TCF7L2: variants seen among roughly 807,000 people sequenced by gnomAD.
The protein encoded by TCF7L2 is transcription factor 7-like 2.
In TCF7L2, 23 loss-of-function variants were observed where a neutral mutation model predicts 77.9. The observed-to-expected ratio is 0.30, with a 90% confidence interval of 0.21 to 0.42. The LOEUF is 0.42. Ranked by LOEUF, TCF7L2 falls within the 10% of genes least tolerant of loss-of-function variation. The pLI is 1.00. For synonymous variants in TCF7L2, 413 were observed against 340.2 expected (o/e 1.21, Z -2.36); for missense variants, 654 against 793.1 (o/e 0.82, Z 2.11).
At chr10:113,121,440 C>T (rs547464607) in intron 5 of TCF7L2, among the ~76,000 whole-genome samples, 1 of 152,200 alleles carries the variant, frequency 6.6e-6, no homozygotes, top group African/African-American at 2.4e-5. Flanking sequence ...TGGCTTTTCC[C>T]TCCTTTTTTC....
At chr10:113,045,729 T>G (rs1465016142) in intron 5 of TCF7L2, among the ~76,000 whole-genome samples, 1 of 152,230 alleles carries the variant, frequency 6.6e-6, no homozygotes, top group Non-Finnish European at 1.5e-5. Flanking sequence ...AATCTTTTAC[T>G]TCTGGATTAT....
intron 4 of TCF7L2, among the ~76,000 whole-genome samples, chr10:112,971,346 G>GT (rs1345584280): frequency 6.6e-6 from 1 of 152,038 alleles, no homozygotes; most frequent in African/African-American, 2.4e-5. Context: ...CCAGGCTGGA[G>GT]TTTTTCCTCT....
chr10:113,117,225 A>C (rs1402559824), intron 5 of TCF7L2, among the ~76,000 whole-genome samples: 1 of 152,210 alleles, frequency 6.6e-6, no homozygotes, highest in African/African-American at 2.4e-5. Flanking sequence ...TTCATCCCTA[A>C]GTATAACAAA....
At chr10:113,141,404 G>C in intron 6 of TCF7L2, 88 bp downstream of exon 6, 2 of 1,570,736 alleles carry the variant, frequency 1.3e-6, no homozygotes, top group Non-Finnish European at 1.7e-6. Flanking sequence ...CCCCAGGGGT[G>C]GAGCAGTAGG....
intron 5 of TCF7L2, among the ~76,000 whole-genome samples, chr10:113,122,627 C>A (rs907273324): frequency 6.6e-6 from 1 of 152,110 alleles, no homozygotes; most frequent in Non-Finnish European, 1.5e-5. Context: ...TTTGTACTGG[C>A]CCATCATCTA....
intron 4 of TCF7L2, among the ~76,000 whole-genome samples, chr10:113,039,228 G>A (rs866085128): frequency 6.6e-6 from 1 of 152,184 alleles, no homozygotes; most frequent in South Asian, 2.1e-4. Context: ...TCAACTCATC[G>A]TTCAAATCTC....
At chr10:113,090,713 G>A (rs568307674) in intron 5 of TCF7L2, among the ~76,000 whole-genome samples, 184 of 152,264 alleles carry the variant, frequency 1.2e-3, no homozygotes, top group African/African-American at 4.1e-3. Flanking sequence ...GGTTTCAAGC[G>A]ATTCGCCTGC....
chr10:113,084,898 G>A (rs1416789742), intron 5 of TCF7L2, among the ~76,000 whole-genome samples: 1 of 146,326 alleles, frequency 6.8e-6, no homozygotes, highest in African/African-American at 2.6e-5. Context: ...TCTGTCTCAA[G>A]CCACCCCCCC....
intron 5 of TCF7L2, among the ~76,000 whole-genome samples, chr10:113,055,809 C>T (rs1391863159): frequency 6.6e-6 from 1 of 152,224 alleles, no homozygotes; most frequent in African/African-American, 2.4e-5. Flanking sequence ...GTATTTTCCT[C>T]TGTGCTTTTA....
intron 4 of TCF7L2, among the ~76,000 whole-genome samples, chr10:112,988,639 T>G (rs1264932599): frequency 6.6e-6 from 1 of 152,196 alleles, no homozygotes; most frequent in Non-Finnish European, 1.5e-5. Flanking sequence ...GAGCCTAGGC[T>G]CAATTTTTCC....
intron 4 of TCF7L2, among the ~76,000 whole-genome samples, chr10:113,000,013 G>T (rs769557179): frequency 6.6e-6 from 1 of 152,160 alleles, no homozygotes; most frequent in Non-Finnish European, 1.5e-5. Flanking sequence ...GATATTCTAC[G>T]GTTAAGTAAT....
intron 5 of TCF7L2, among the ~76,000 whole-genome samples, chr10:113,137,592 A>T (rs922714662): frequency 1.4e-4 from 21 of 152,226 alleles, no homozygotes; most frequent in African/African-American, 5.1e-4. Flanking sequence ...TTAAAGGCAC[A>T]GTTGTAATTG....
intron 5 of TCF7L2, among the ~76,000 whole-genome samples, chr10:113,107,472 G>C (rs2062484911): frequency 6.6e-6 from 1 of 152,008 alleles, no homozygotes; most frequent in Non-Finnish European, 1.5e-5. Context: ...GGCCGGGCGT[G>C]GTGGCTCATG....
rs138114367 is a variant in TCF7L2, at chr10:113,049,475, C to T, written c.552+9349C>T. On this transcript the variant is annotated intron_variant, in intron 5 of 13. Coordinates refer to ENST00000627217, the MANE Select transcript of TCF7L2 (RefSeq NM_001146274.2). ...AAGTGTGTCCTCTCTACCTTCAAAG[C>T]GTGTGTGGCATCCACCGCTTATCAC... Among the ~76,000 whole-genome samples, 399 of 152,140 alleles carry T rather than the reference C, an allele frequency of 2.6e-3. 1 individual carries two copies. The highest frequency in any genetic ancestry group is 9.1e-3 in the African/African-American group (377 of 41,496).
chr10:113,165,750 G>A lies in TCF7L2; in HGVS notation c.1587G>A (p.Leu529=), dbSNP rs1352007739. 4 of 1,610,204 alleles carry A rather than the reference G, an allele frequency of 2.5e-6. No individual in the cohort carries two copies. Among genetic ancestry groups the A allele is most frequent in the Non-Finnish European group, 3.4e-6 (4 of 1,178,772 alleles). Residue 529 remains leucine, a synonymous_variant, in exon 14 of 14, where the codon CTG becomes CTA. Transcript: ENST00000627217. Reference sequence around the variant, plus strand: ...TGAAGCCCGACCCCCTGGCCCACCTGTCCATGATGCCTCCGCCACCCGCCC... The same window carrying A: ...TGAAGCCCGACCCCCTGGCCCACCTATCCATGATGCCTCCGCCACCCGCCC...
At chr10:113,100,257 A>G (rs1246275978) in intron 5 of TCF7L2, among the ~76,000 whole-genome samples, 1 of 152,250 alleles carries the variant, frequency 6.6e-6, no homozygotes, top group Non-Finnish European at 1.5e-5. Context: ...CCAGGAAACA[A>G]GTTGCTTTTC....
rs1424874815 is a variant in TCF7L2, at chr10:113,167,271, A to G, written c.*1299A>G. 4.4e-6 allele frequency: 1 copy of G among 228,430 alleles called. No individual in the cohort carries two copies. The highest frequency in any genetic ancestry group is 8.7e-6 in the Non-Finnish European group (1 of 115,166). The allele number at this position is 228,430 out of a possible 1,614,324, so 14.2% of individuals were successfully genotyped here. A position where few individuals can be genotyped will look rare whatever the true frequency, so the allele number is the denominator to read the frequency against. On this transcript the variant is annotated 3_prime_UTR_variant, in exon 14 of 14. Coordinates refer to ENST00000627217, the MANE Select transcript of TCF7L2 (RefSeq NM_001146274.2). ...ACCCTTAAGGGCCAAAATTCTGTAT[A>G]TTAGATTACTCTTAAACGAAAAACC...
Position 113,165,536 on chromosome 10 carries a change from C to T in TCF7L2, c.1392-19C>T, listed in dbSNP as rs1387721041. ...ATCTGTGCCCTCTATTCACAGATAA[C>T]TCTCTCCCCTGTTTCTAGGAGAAAA... On this transcript the variant is annotated intron_variant, in intron 13 of 13. Coordinates refer to ENST00000627217, the MANE Select transcript of TCF7L2 (RefSeq NM_001146274.2). The T allele has an allele frequency of 1.2e-6, 2 of 1,612,644 alleles. No homozygotes were observed. The highest frequency in any genetic ancestry group is 8.5e-7 in the Non-Finnish European group (1 of 1,179,384).
intron 4 of TCF7L2, among the ~76,000 whole-genome samples, chr10:113,027,370 C>G (rs2133990303): frequency 6.6e-6 from 1 of 152,262 alleles, no homozygotes; most frequent in Non-Finnish European, 1.5e-5. Context: ...CCTTGTCTGT[C>G]ATGTGTCAGA....
Sources: allele counts gnomAD v4.1 joint callset (sites outside exome capture counted in the v4.1 genomes callset), GRCh38; gene constraint gnomAD v4.1.1; transcripts MANE v1.5; gene names NCBI Gene and HGNC (gene_info 2026-07-23, HGNC 2026-07-21).